QTMAN: variants seen among roughly 807,000 people sequenced by gnomAD.
The protein encoded by QTMAN is tRNA-queuosine alpha-mannosyltransferase.
the QTMAN span, among the ~76,000 whole-genome samples, chr2:144,104,725 T>C: frequency 6.6e-6 from 1 of 152,166 alleles, no homozygotes; most frequent in South Asian, 2.1e-4. Context: ...TCTGCAGACA[T>C]AAATGTCCCT....
At chr2:144,050,328 C>A in the QTMAN span, among the ~76,000 whole-genome samples, 1 of 150,724 alleles carries the variant, frequency 6.6e-6, no homozygotes, top group South Asian at 2.1e-4. Flanking sequence ...AAAAAAAAAA[C>A]AATAAAAAGA....
At chr2:144,031,860 G>A in the QTMAN span, among the ~76,000 whole-genome samples, 9 of 152,046 alleles carry the variant, frequency 5.9e-5, no homozygotes, top group African/African-American at 1.9e-4. Context: ...GGGTTCAAGC[G>A]AGTCTCCTGC....
At chr2:143,993,209 A>G in the QTMAN span, among the ~76,000 whole-genome samples, 1 of 152,174 alleles carries the variant, frequency 6.6e-6, no homozygotes, top group East Asian at 1.9e-4. Flanking sequence ...ATTTTTCCTC[A>G]TCATTACATC....
At chr2:144,235,134 T>G in the QTMAN span, among the ~76,000 whole-genome samples, 1 of 152,214 alleles carries the variant, frequency 6.6e-6, no homozygotes, top group Admixed American at 6.5e-5. Flanking sequence ...AAGGCATTCA[T>G]GTAGTGCCAA....
chr2:144,290,480 C>G, the QTMAN span, among the ~76,000 whole-genome samples: 3 of 152,218 alleles, frequency 2.0e-5, no homozygotes, highest in Non-Finnish European at 1.5e-5. Flanking sequence ...ATTTTCATCC[C>G]AAAGACCAAG....
At chr2:144,148,909 T>A in the QTMAN span, among the ~76,000 whole-genome samples, 1 of 151,938 alleles carries the variant, frequency 6.6e-6, no homozygotes. Context: ...CTCACTAGTT[T>A]TAAATAGTGG....
chr2:144,026,311 T>C, the QTMAN span, among the ~76,000 whole-genome samples: 2 of 152,066 alleles, frequency 1.3e-5, no homozygotes, highest in Non-Finnish European at 2.9e-5. Flanking sequence ...GGCACATACC[T>C]GTAATCCCAG....
At chr2:144,108,981 T>C in the QTMAN span, among the ~76,000 whole-genome samples, 1 of 152,198 alleles carries the variant, frequency 6.6e-6, no homozygotes, top group Admixed American at 6.5e-5. Context: ...AAAATGGTCG[T>C]ACTGCCCAAG....
At chr2:144,315,892 C>A in the QTMAN span, among the ~76,000 whole-genome samples, 2 of 152,192 alleles carry the variant, frequency 1.3e-5, no homozygotes, top group Admixed American at 1.3e-4. Flanking sequence ...TGCCATGACA[C>A]TATCACCTTG....
At chr2:144,095,894 C>T in the QTMAN span, among the ~76,000 whole-genome samples, 1 of 152,086 alleles carries the variant, frequency 6.6e-6, no homozygotes, top group African/African-American at 2.4e-5. Flanking sequence ...AACCAAATAA[C>T]TTGTGTTACA....
At chr2:144,224,275 T>C in the QTMAN span, among the ~76,000 whole-genome samples, 1 of 152,338 alleles carries the variant, frequency 6.6e-6, no homozygotes, top group East Asian at 1.9e-4. Context: ...AACAATGCCA[T>C]GGCTTGGATA....
At chr2:144,101,157 C>T in the QTMAN span, among the ~76,000 whole-genome samples, 10 of 152,086 alleles carry the variant, frequency 6.6e-5, no homozygotes, top group South Asian at 2.1e-4. Flanking sequence ...CTTGAGCCAC[C>T]GTGCCCGGCC....
At chr2:144,292,502 C>T in the QTMAN span, among the ~76,000 whole-genome samples, 1 of 152,084 alleles carries the variant, frequency 6.6e-6, no homozygotes, top group Non-Finnish European at 1.5e-5. Flanking sequence ...ACACACTAGT[C>T]TTTCTTTCTT....
the QTMAN span, among the ~76,000 whole-genome samples, chr2:144,075,346 CAA>C: frequency 6.6e-6 from 1 of 152,210 alleles, no homozygotes; most frequent in Non-Finnish European, 1.5e-5. Flanking sequence ...GATTACATGA[CAA>C]GATATACTTC....
At chr2:144,253,958 C>T in the QTMAN span, among the ~76,000 whole-genome samples, 6 of 152,196 alleles carry the variant, frequency 3.9e-5, no homozygotes, top group Non-Finnish European at 5.9e-5. Context: ...GGTCCAAACT[C>T]CTGCTCCCTG....
the QTMAN span, among the ~76,000 whole-genome samples, chr2:144,330,924 A>G: frequency 5.3e-5 from 8 of 152,216 alleles, no homozygotes; most frequent in African/African-American, 2.4e-5. Flanking sequence ...TCTGTGATGC[A>G]TAAGATTAAA....
At chr2:144,105,146 A>G in the QTMAN span, among the ~76,000 whole-genome samples, 1 of 152,238 alleles carries the variant, frequency 6.6e-6, no homozygotes, top group Admixed American at 6.5e-5. Context: ...ATAAAACCAC[A>G]GAGATGGGAA....
the QTMAN span, among the ~76,000 whole-genome samples, chr2:144,248,054 C>T: frequency 2.0e-5 from 3 of 152,286 alleles, no homozygotes; most frequent in African/African-American, 7.2e-5. Flanking sequence ...GAATGTATTA[C>T]TTTGGCAAAA....
At chr2:144,107,059 G>T in the QTMAN span, among the ~76,000 whole-genome samples, 2 of 152,156 alleles carry the variant, frequency 1.3e-5, no homozygotes, top group African/African-American at 4.8e-5. Flanking sequence ...TGAAACCAAT[G>T]AGAACAAAGA....
Sources: allele counts gnomAD v4.1 joint callset (sites outside exome capture counted in the v4.1 genomes callset), GRCh38; gene constraint gnomAD v4.1.1; transcripts MANE v1.5; gene names NCBI Gene and HGNC (gene_info 2026-07-23, HGNC 2026-07-21).